The following NAALADL2 variants were observed in gnomAD, a reference collection of about 807,000 sequenced individuals.
NAALADL2 encodes the protein N-acetylated alpha-linked acidic dipeptidase like 2.
In NAALADL2, 76 loss-of-function variants were observed where a neutral mutation model predicts 87.2. The observed-to-expected ratio is 0.87, with a 90% CI of 0.72 to 1.05. NAALADL2 has a LOEUF of 1.05. NAALADL2 is among the 50% of genes least tolerant of loss of function. The pLI is 0.00. For missense variants in NAALADL2, 1,089 were observed against 945.8 expected, an observed-to-expected ratio of 1.15 and a Z score of -1.99; for synonymous variants, 354 against 331.0, an observed-to-expected ratio of 1.07 and a Z score of -0.75.
intron 3 of NAALADL2, among the ~76,000 whole-genome samples, chr3:174,816,514 T>C (rs965913590): frequency 2.3e-4 from 29 of 128,738 alleles, no homozygotes; most frequent in African/African-American, 8.8e-4. Flanking sequence ...TATACATTTA[T>C]TTATATTATA....
At chr3:174,519,944 C>T (rs771064490) in intron 1 of NAALADL2, among the ~76,000 whole-genome samples, 26 of 152,082 alleles carry the variant, frequency 1.7e-4, no homozygotes, top group Non-Finnish European at 3.1e-4. Flanking sequence ...AAATCAAGAA[C>T]ACAATGCCAT....
At chr3:174,748,163 G>T (rs569577739) in intron 3 of NAALADL2, among the ~76,000 whole-genome samples, 28 of 152,140 alleles carry the variant, frequency 1.8e-4, no homozygotes, top group African/African-American at 6.3e-4. Flanking sequence ...GTCTGTCATG[G>T]GGGTGGAGGG....
At chr3:174,471,415 G>T (rs546289524) in intron 1 of NAALADL2, among the ~76,000 whole-genome samples, 1 of 151,890 alleles carries the variant, frequency 6.6e-6, no homozygotes, top group African/African-American at 2.4e-5. Flanking sequence ...GAATCCTCAC[G>T]CATGGTACTA....
intron 1 of NAALADL2, among the ~76,000 whole-genome samples, chr3:174,507,669 T>TTTTTTTTTTTTGAGACGGA (rs1719284459): frequency 6.6e-6 from 1 of 150,742 alleles, no homozygotes; most frequent in Non-Finnish European, 1.5e-5. Context: ...TAGTCTTTTA[T>TTTTTTTTTTTTGAGACGGA]GTCTGGCTTT....
chr3:174,699,577 T>C (rs1270579079), intron 2 of NAALADL2, among the ~76,000 whole-genome samples: 1 of 152,210 alleles, frequency 6.6e-6, no homozygotes, highest in East Asian at 1.9e-4. Context: ...CAGTTTGATA[T>C]TTAATTTGAT....
chr3:174,582,098 A>G (rs1010619502), intron 2 of NAALADL2, among the ~76,000 whole-genome samples: 9 of 152,190 alleles, frequency 5.9e-5, no homozygotes, highest in Non-Finnish European at 1.0e-4. Context: ...TACCAACAGT[A>G]CAAAGAGGGA....
intron 9 of NAALADL2, among the ~76,000 whole-genome samples, chr3:175,538,492 C>A (rs1711678864): frequency 6.6e-6 from 1 of 151,890 alleles, no homozygotes; most frequent in South Asian, 2.1e-4. Context: ...AAATATGAGC[C>A]CCATAGAATA....
chr3:175,427,762 T>G (rs1330170635), intron 5 of NAALADL2, among the ~76,000 whole-genome samples: 1 of 150,134 alleles, frequency 6.7e-6, no homozygotes, highest in East Asian at 2.0e-4. Context: ...ATTTGCATAT[T>G]TTTATACTTC....
At position 174,466,136 on chromosome 3, in the gene NAALADL2, G is replaced by A. The variant is rs201474878; in HGVS notation, c.-184+25104G>A. ...AAGAACAGAAGTAATTTCCATTTCAGCACATAGTCAGTAGTTACACATTTT... is the reference window on the plus strand; with the variant it reads ...AAGAACAGAAGTAATTTCCATTTCAACACATAGTCAGTAGTTACACATTTT... On this transcript the variant is annotated intron_variant, in intron 1 of 3. Coordinates refer to the NAALADL2 transcript ENST00000434257. Among the ~76,000 whole-genome samples, 3 of 152,272 alleles carry A rather than the reference G, an allele frequency of 2.0e-5. No individual in the cohort carries two copies. In the East Asian group the frequency reaches 5.8e-4, roughly 29 times the overall value.
intron 2 of NAALADL2, among the ~76,000 whole-genome samples, chr3:175,140,034 A>T (rs1403720817): frequency 1.3e-5 from 2 of 152,144 alleles, no homozygotes; most frequent in Non-Finnish European, 2.9e-5. Context: ...TATAGAGGAG[A>T]TAATACGGAT....
intron 1 of NAALADL2, chr3:175,081,331 AATTC>A (rs1226113098): frequency 2.0e-5 from 3 of 152,164 alleles, no homozygotes; most frequent in Non-Finnish European, 4.4e-5. Flanking sequence ...TTTGAGTACT[AATTC>A]ATCAGCGTTT....
chr3:175,422,813 T>A (rs1715933782), intron 5 of NAALADL2, among the ~76,000 whole-genome samples: 6 of 151,872 alleles, frequency 4.0e-5, no homozygotes, highest in Admixed American at 3.9e-4. Flanking sequence ...CACCTGGTAA[T>A]TCGGTTGGCC....
intron 2 of NAALADL2, among the ~76,000 whole-genome samples, chr3:175,155,231 A>G (rs982457009): frequency 1.3e-5 from 2 of 152,176 alleles, no homozygotes; most frequent in Non-Finnish European, 2.9e-5. Flanking sequence ...AGAGGTCTCC[A>G]GAAGAATATA....
In NAALADL2 at chr3:174,734,082, T is replaced by A. The variant is rs370010864; in HGVS notation, c.-114-3559T>A. 9.9e-5 allele frequency among the ~76,000 whole-genome samples: 15 copies of A among 152,252 alleles called. 1 individual carries two copies. The highest frequency in any genetic ancestry group is 2.6e-4 in the African/African-American group (11 of 41,556). On this transcript the variant is annotated intron_variant, in intron 2 of 3. Coordinates refer to the NAALADL2 transcript ENST00000434257. Reference sequence around the variant, plus strand: ...TACTGGGTTGGTTTCACTTTTTCATTTTCGGTGTTGAGGGGGAGCAGAAAC... The same window carrying A: ...TACTGGGTTGGTTTCACTTTTTCATATTCGGTGTTGAGGGGGAGCAGAAAC...
At chr3:174,570,252 A>G (rs1317244485) in intron 2 of NAALADL2, among the ~76,000 whole-genome samples, 1 of 146,724 alleles carries the variant, frequency 6.8e-6, no homozygotes, top group South Asian at 2.1e-4. Flanking sequence ...GGTCTCATTT[A>G]TTTTTTTTTT....
chr3:174,803,480 T>G (rs1719082241), intron 3 of NAALADL2, among the ~76,000 whole-genome samples: 1 of 152,202 alleles, frequency 6.6e-6, no homozygotes, highest in Non-Finnish European at 1.5e-5. Flanking sequence ...TTTAGTTTAA[T>G]TACATCCCAT....
intron 5 of NAALADL2, among the ~76,000 whole-genome samples, chr3:175,343,173 A>G (rs1471871374): frequency 6.6e-6 from 1 of 152,066 alleles, no homozygotes; most frequent in East Asian, 1.9e-4. Context: ...AAAAAATGAA[A>G]TTAGATGAAT....
At chr3:175,549,405 T>C (rs1582356633) in intron 9 of NAALADL2, among the ~76,000 whole-genome samples, 1 of 152,030 alleles carries the variant, frequency 6.6e-6, no homozygotes, top group Non-Finnish European at 1.5e-5. Context: ...ATTTTTTGCA[T>C]TATAAATACT....
At chr3:175,693,844 A>G (rs1301215051) in intron 11 of NAALADL2, among the ~76,000 whole-genome samples, 1 of 151,972 alleles carries the variant, frequency 6.6e-6, no homozygotes, top group African/African-American at 2.4e-5. Flanking sequence ...GACTACAGAC[A>G]CGCACCACCA....
Sources: allele counts gnomAD v4.1 joint callset (sites outside exome capture counted in the v4.1 genomes callset), GRCh38; gene constraint gnomAD v4.1.1; transcripts MANE v1.5; gene names NCBI Gene and HGNC (gene_info 2026-07-23, HGNC 2026-07-21).